R3HDM1: variants seen among roughly 807,000 people sequenced by gnomAD.
The protein encoded by R3HDM1 is R3H domain containing 1.
R3HDM1 carries 46 observed loss-of-function variants against 141.1 expected under a neutral mutation model. The ratio of observed to expected loss-of-function variants is 0.33; its 90% CI spans 0.26 to 0.42. The LOEUF is 0.42. R3HDM1 is among the 10% of genes least tolerant of loss of function. The pLI is 1.00. For missense variants in R3HDM1, 1,184 were observed against 1,368.3 expected (o/e 0.87, Z 2.12); for synonymous variants, 435 against 472.9 (o/e 0.92, Z 1.04).
At chr2:135,714,761 G>GTA (rs1241613189) in intron 23 of R3HDM1, among the ~76,000 whole-genome samples, 3 of 97,264 alleles carry the variant, frequency 3.1e-5, no homozygotes, top group Non-Finnish European at 7.5e-5. Flanking sequence ...ATATATGGGT[G>GTA]TATACACACA....
intron 21 of R3HDM1, among the ~76,000 whole-genome samples, chr2:135,706,427 G>A (rs891934752): frequency 6.6e-6 from 1 of 151,786 alleles, no homozygotes; most frequent in African/African-American, 2.4e-5. Flanking sequence ...TCTCGCAGAG[G>A]GGGATTTGGC....
Position 135,669,246 on chromosome 2 carries a change from G to A in R3HDM1, c.2153-6086G>A, listed in dbSNP as rs1194274525. On this transcript the variant is annotated intron_variant, in intron 19 of 26. Transcript: ENST00000683871. ...AGGGAAGGACTGTTCCTCCCACAGA[G>A]AGGACATTGTGGGCTAATCATATGC... 6.1e-6 allele frequency: 6 copies of A among 985,222 alleles called. No homozygotes were observed. In the African/African-American group the frequency reaches 1.0e-4, roughly 17 times the overall value. 61.0% of individuals were successfully genotyped at this position (985,222 alleles called of 1,614,324 possible). A position where few individuals can be genotyped will look rare whatever the true frequency, so the allele number is the denominator to read the frequency against.
At chr2:135,618,197 C>G (rs1436732612) in intron 5 of R3HDM1, among the ~76,000 whole-genome samples, 1 of 146,334 alleles carries the variant, frequency 6.8e-6, no homozygotes, top group Admixed American at 6.9e-5. Flanking sequence ...GAGTTTCACT[C>G]TTGTTGACCG....
chr2:135,629,120 C>T (rs186918845), intron 7 of R3HDM1, among the ~76,000 whole-genome samples: 1,571 of 152,032 alleles, frequency 0.01, 25 homozygotes, highest in African/African-American at 0.036. Flanking sequence ...AGTTCGAGAC[C>T]AGCCTGGACA....
At chr2:135,720,939 A>G (rs2076643872) in intron 24 of R3HDM1, among the ~76,000 whole-genome samples, 1 of 152,206 alleles carries the variant, frequency 6.6e-6, no homozygotes, top group Non-Finnish European at 1.5e-5. Flanking sequence ...AGCACCTCAA[A>G]TGATTGGCAT....
chr2:135,616,321 T>C, intron 4 of R3HDM1, 128 bp downstream of exon 4: 1 of 979,482 alleles, frequency 1.0e-6, no homozygotes, highest in South Asian at 2.0e-5. Flanking sequence ...AAAGCTTATT[T>C]TGTTTTATTT....
At chr2:135,585,881 A>G (rs1272277139) in intron 1 of R3HDM1, among the ~76,000 whole-genome samples, 1 of 152,196 alleles carries the variant, frequency 6.6e-6, no homozygotes, top group Non-Finnish European at 1.5e-5. Flanking sequence ...TGTGCTGTTA[A>G]TTCATTTTCT....
chr2:135,583,399 G>A (rs1707229160), intron 1 of R3HDM1, among the ~76,000 whole-genome samples: 1 of 152,106 alleles, frequency 6.6e-6, no homozygotes, highest in African/African-American at 2.4e-5. Flanking sequence ...AGGCATGAAA[G>A]GTTAGCCTGC....
At chr2:135,550,058 CTT>C in intron 1 of R3HDM1, 1 of 984,082 alleles carries the variant, frequency 1.0e-6, no homozygotes, top group African/African-American at 1.7e-5. Flanking sequence ...AGTTTAAAAT[CTT>C]TTCATGATCT....
intron 1 of R3HDM1, among the ~76,000 whole-genome samples, chr2:135,591,526 A>G (rs1709271328): frequency 6.6e-6 from 1 of 152,254 alleles, no homozygotes; most frequent in South Asian, 2.1e-4. Flanking sequence ...TTTAGAAACC[A>G]AGATTATGCT....
intron 1 of R3HDM1, among the ~76,000 whole-genome samples, chr2:135,589,024 A>G (rs1003122827): frequency 6.6e-6 from 1 of 152,148 alleles, no homozygotes; most frequent in African/African-American, 2.4e-5. Flanking sequence ...TTTGTATCTG[A>G]GTATTTAAAA....
At chr2:135,598,599 T>C (rs1574213217) in intron 1 of R3HDM1, among the ~76,000 whole-genome samples, 1 of 152,156 alleles carries the variant, frequency 6.6e-6, no homozygotes, top group Non-Finnish European at 1.5e-5. Context: ...TTACTGGCTG[T>C]GTGATGTTGG....
At chr2:135,665,709 A>T (rs1014057673) in intron 19 of R3HDM1, among the ~76,000 whole-genome samples, 5 of 152,186 alleles carry the variant, frequency 3.3e-5, no homozygotes, top group Admixed American at 6.5e-5. Context: ...TGGATGACAA[A>T]TTCAGTTTGG....
At chr2:135,592,425 T>C (rs1449842098) in intron 1 of R3HDM1, among the ~76,000 whole-genome samples, 1 of 152,242 alleles carries the variant, frequency 6.6e-6, no homozygotes, top group Non-Finnish European at 1.5e-5. Flanking sequence ...AGGTCAAGAC[T>C]GAGTGAGTGA....
In R3HDM1 at chr2:135,661,357, C is replaced by A. The variant is rs751480786; in HGVS notation, c.2116C>A (p.Leu706Ile). The stretch of plus-strand genomic sequence containing the variant: ...CCCTTCTGTTCATTACAATTCACAT[C>A]TAAACCAACCACTGCCACAACCTGC... The part of the protein sequence containing the change: ...PVPSVHYNSH[L>I]NQPLPQPAQQ... The change falls in exon 19 of 27, where the codon CTA becomes ATA. Residue 706 changes from leucine to isoleucine, a missense_variant. Around this residue, in one of 5 missense-constraint regions of R3HDM1, gnomAD observed 563 missense variants for 562.0 expected, o/e 1.00. Transcript: ENST00000683871. 3 of 1,614,026 alleles carry A rather than the reference C, an allele frequency of 1.9e-6. No individual in the cohort carries two copies. The highest frequency in any genetic ancestry group is 2.5e-6 in the Non-Finnish European group (3 of 1,179,872).
At chr2:135,637,668 T>G (rs1305958796) in intron 11 of R3HDM1, among the ~76,000 whole-genome samples, 15 of 152,112 alleles carry the variant, frequency 9.9e-5, no homozygotes, top group Non-Finnish European at 2.9e-5. Context: ...GTAGCCAGAT[T>G]CTAGCCTGAG....
intron 9 of R3HDM1, among the ~76,000 whole-genome samples, chr2:135,634,372 G>A (rs936088784): frequency 2.0e-5 from 3 of 152,200 alleles, no homozygotes; most frequent in Non-Finnish European, 2.9e-5. Context: ...CAGGCGCAAT[G>A]TCTCACGCCT....
intron 21 of R3HDM1, among the ~76,000 whole-genome samples, chr2:135,683,652 G>C (rs1279562419): frequency 6.6e-6 from 1 of 151,028 alleles, no homozygotes; most frequent in East Asian, 1.9e-4. Context: ...ATTCTTTACA[G>C]AAAATGTCAT....
At chr2:135,645,042 A>G (rs1038927700) in intron 15 of R3HDM1, among the ~76,000 whole-genome samples, 4 of 152,216 alleles carry the variant, frequency 2.6e-5, no homozygotes, top group African/African-American at 9.6e-5. Flanking sequence ...AGATTGTGCC[A>G]CTGTACTCCA....
Sources: allele counts gnomAD v4.1 joint callset (sites outside exome capture counted in the v4.1 genomes callset), GRCh38; gene constraint gnomAD v4.1.1; regional missense constraint gnomAD v4.1.1; transcripts MANE v1.5; gene names NCBI Gene and HGNC (gene_info 2026-07-23, HGNC 2026-07-21).